The following SPOCK3 variants were observed in gnomAD, a reference collection of about 807,000 sequenced individuals.
SPOCK3 encodes testican-3.
In SPOCK3, 30 loss-of-function variants were observed where a neutral mutation model predicts 56.6. The observed-to-expected ratio is 0.53, with a 90% CI of 0.40 to 0.72. The LOEUF is 0.72. SPOCK3 is among the 30% of genes least tolerant of loss of function. SPOCK3 has a pLI of 0.00. For synonymous variants in SPOCK3, 196 were observed against 183.3 expected, an observed-to-expected ratio of 1.07 and a Z score of -0.56; for missense variants, 527 against 530.0, an observed-to-expected ratio of 0.99 and a Z score of 0.06.
At chr4:166,842,537 G>C (rs1747545914) in intron 6 of SPOCK3, among the ~76,000 whole-genome samples, 1 of 152,170 alleles carries the variant, frequency 6.6e-6, no homozygotes, top group Non-Finnish European at 1.5e-5. Context: ...ACAAGGTGCT[G>C]ATTGGTGTGT....
intron 2 of SPOCK3, among the ~76,000 whole-genome samples, chr4:167,132,785 CT>C (rs1762804675): frequency 6.6e-6 from 1 of 150,428 alleles, no homozygotes; most frequent in Admixed American, 6.6e-5. Flanking sequence ...CAATCTCTGC[CT>C]CCATCTACAC....
At chr4:166,866,627 G>A (rs1340731301) in intron 6 of SPOCK3, among the ~76,000 whole-genome samples, 3 of 152,058 alleles carry the variant, frequency 2.0e-5, no homozygotes, top group African/African-American at 7.2e-5. Flanking sequence ...CAAAGGATAT[G>A]AACAGACACT....
chr4:166,790,601 TAG>T (rs1205025851), intron 7 of SPOCK3, among the ~76,000 whole-genome samples: 11 of 152,192 alleles, frequency 7.2e-5, no homozygotes, highest in Non-Finnish European at 1.5e-5. Context: ...CTACTACCTT[TAG>T]AGAGTCTCAT....
intron 2 of SPOCK3, among the ~76,000 whole-genome samples, chr4:167,170,391 T>C (rs1436794393): frequency 6.6e-6 from 1 of 152,152 alleles, no homozygotes; most frequent in Non-Finnish European, 1.5e-5. Context: ...AATCCATCAT[T>C]CATTGAATAA....
chr4:166,789,927 C>T (rs1346543653), intron 7 of SPOCK3, among the ~76,000 whole-genome samples: 1 of 152,088 alleles, frequency 6.6e-6, no homozygotes, highest in East Asian at 1.9e-4. Context: ...CTCATTGCTT[C>T]CACTGCTTGT....
At chr4:167,039,923 T>C (rs912366392) in intron 3 of SPOCK3, among the ~76,000 whole-genome samples, 3 of 152,196 alleles carry the variant, frequency 2.0e-5, no homozygotes, top group South Asian at 2.1e-4. Flanking sequence ...TTTTATTATC[T>C]ATCTCTTGGA....
rs192199462 is a variant in SPOCK3 at position 166,892,680 on chromosome 4, A to C, written c.475-3436T>G. ...AGTCTATAATTACCAAAAAATGCAA[A>C]TAATGTAGAGAAAGACATGATTAAT... On this transcript the variant is annotated intron_variant, in intron 5 of 10. Coordinates refer to ENST00000357545, the MANE Select transcript of SPOCK3 (RefSeq NM_001040159.2). 6.3e-4 allele frequency among the ~76,000 whole-genome samples: 96 copies of C among 152,220 alleles called. 1 individual carries two copies. In the East Asian group the frequency reaches 0.013, roughly 21 times the overall value.
At chr4:166,850,821 C>A (rs1443159190) in intron 6 of SPOCK3, among the ~76,000 whole-genome samples, 3 of 152,210 alleles carry the variant, frequency 2.0e-5, no homozygotes, top group African/African-American at 7.2e-5. Context: ...GGTCCTACAC[C>A]CACAGAGTCT....
Position 167,160,779 on chromosome 4 carries a change from A to G in SPOCK3, c.189+73206T>C, listed in dbSNP as rs1765228708. 2.0e-5 allele frequency among the ~76,000 whole-genome samples: 3 copies of G among 152,200 alleles called. No individual in the cohort carries two copies. In the South Asian group the frequency reaches 6.2e-4, roughly 31 times the overall value. ...GATCTTTGACAAACCTGACAAAAAC[A>G]AGAAATGGGAAAGGACTCCCTATTT... is the stretch of plus-strand genomic sequence containing the variant. On this transcript the variant is annotated intron_variant, in intron 2 of 10. Transcript: ENST00000357545.
At position 167,012,645 on chromosome 4, in the gene SPOCK3, C is replaced by T. The variant is rs10049630; in HGVS notation, c.236-12182G>A. ...TTTAGTGGCAATTTTGGAAAAATCA[C>T]AACACGAAATAATGCAATCAGTACA... On this transcript the variant is annotated intron_variant, in intron 3 of 10. Coordinates refer to ENST00000357545, the MANE Select transcript of SPOCK3 (RefSeq NM_001040159.2). Among the ~76,000 whole-genome samples, 82 of 151,934 alleles carry T rather than the reference C, an allele frequency of 5.4e-4. 1 individual carries two copies. The highest frequency in any genetic ancestry group is 3.4e-4 in the Non-Finnish European group (23 of 67,828).
intron 4 of SPOCK3, among the ~76,000 whole-genome samples, chr4:166,980,997 G>A (rs182466309): frequency 1.6e-4 from 24 of 152,274 alleles, no homozygotes; most frequent in Admixed American, 3.9e-4. Context: ...TTCTTGCCGC[G>A]GTCTAGGAAG....
chr4:167,106,692 T>A (rs182086537), intron 2 of SPOCK3, among the ~76,000 whole-genome samples: 151 of 140,928 alleles, frequency 1.1e-3, no homozygotes, highest in Middle Eastern at 7.4e-3. Flanking sequence ...ATGCAAAGGA[T>A]CAATGAAACA....
At chr4:166,994,023 T>G (rs765898773) in intron 4 of SPOCK3, among the ~76,000 whole-genome samples, 1 of 152,136 alleles carries the variant, frequency 6.6e-6, no homozygotes, top group Non-Finnish European at 1.5e-5. Flanking sequence ...GGAGCCAGAC[T>G]TCAAAGCTAG....
intron 6 of SPOCK3, among the ~76,000 whole-genome samples, chr4:166,815,709 C>T (rs566999428): frequency 1.3e-4 from 20 of 152,014 alleles, no homozygotes; most frequent in African/African-American, 2.4e-4. Flanking sequence ...CCAGGAATTC[C>T]GGGTTACATG....
chr4:166,914,680 G>T (rs1189356756), intron 4 of SPOCK3, among the ~76,000 whole-genome samples: 1 of 152,124 alleles, frequency 6.6e-6, no homozygotes, highest in Non-Finnish European at 1.5e-5. Context: ...TAAGGCAGGA[G>T]AATAGCTTGA....
At chr4:167,223,742 G>C (rs10005047) in intron 2 of SPOCK3, among the ~76,000 whole-genome samples, 19,041 of 152,038 alleles carry the variant, frequency 0.13, 1,423 homozygotes, top group East Asian at 0.2. Flanking sequence ...TTGAGCCTAG[G>C]AGTTCGAGAC....
chr4:167,016,988 T>G (rs887832109), intron 3 of SPOCK3, among the ~76,000 whole-genome samples: 2 of 152,152 alleles, frequency 1.3e-5, no homozygotes, highest in African/African-American at 4.8e-5. Flanking sequence ...GGATCTCTAT[T>G]AGGCTAGGGT....
intron 4 of SPOCK3, among the ~76,000 whole-genome samples, chr4:166,993,981 T>C (rs1433061900): frequency 6.6e-6 from 1 of 152,170 alleles, no homozygotes; most frequent in Admixed American, 6.6e-5. Flanking sequence ...GATAATTTAA[T>C]TTGCTCAAAG....
chr4:167,155,335 C>T (rs886721758), intron 2 of SPOCK3, among the ~76,000 whole-genome samples: 2 of 152,022 alleles, frequency 1.3e-5, no homozygotes, highest in Non-Finnish European at 2.9e-5. Context: ...ACAGGCTGGT[C>T]TTGAACTCCT....
Sources: allele counts gnomAD v4.1 joint callset (sites outside exome capture counted in the v4.1 genomes callset), GRCh38; gene constraint gnomAD v4.1.1; transcripts MANE v1.5; gene names NCBI Gene and HGNC (gene_info 2026-07-23, HGNC 2026-07-21).